TPO: variants seen among roughly 807,000 people sequenced by gnomAD.
TPO encodes thyroid microsomal antigen.
Under a neutral mutation model 96.9 loss-of-function variants are expected in TPO, and 78 were observed. The ratio of observed to expected loss-of-function variants is 0.81; its 90% CI spans 0.67 to 0.97. The LOEUF (loss-of-function observed/expected upper bound fraction) is 0.97, where lower values mean the gene tolerates loss of function less well. TPO is among the 50% of genes least tolerant of loss of function. The pLI is 0.00. For synonymous variants in TPO, 547 were observed against 538.0 expected, an observed-to-expected ratio of 1.02 and a Z score of -0.23; for missense variants, 1,252 against 1,274.8, an observed-to-expected ratio of 0.98 and a Z score of 0.27.
At chr2:1,531,209 A>ACCTCC (rs1678123924) in intron 15 of TPO, among the ~76,000 whole-genome samples, 1 of 113,824 alleles carries the variant, frequency 8.8e-6, no homozygotes, top group Admixed American at 9.6e-5. Context: ...ACTGTCTGCA[A>ACCTCC]CCACCCCAAA....
At chr2:1,393,884 C>G (rs899314100) in intron 1 of TPO, among the ~76,000 whole-genome samples, 1 of 152,162 alleles carries the variant, frequency 6.6e-6, no homozygotes, top group African/African-American at 2.4e-5. Flanking sequence ...TATAAGGACA[C>G]TATCTGAAAA....
At chr2:1,524,948 T>TGTGTGCAATCCGCCCAAGTCCCCCCA (rs1676085407) in intron 15 of TPO, among the ~76,000 whole-genome samples, 1 of 88,858 alleles carries the variant, frequency 1.1e-5, no homozygotes, top group African/African-American at 4.9e-5. Flanking sequence ...AAATCCCGAC[T>TGTGTGCAATCCGCCCAAGTCCCCCCA]CTGTGCAACC....
At chr2:1,436,500 C>A in intron 5 of TPO, 116 bp downstream of exon 5, 1 of 1,520,530 alleles carries the variant, frequency 6.6e-7, no homozygotes, top group East Asian at 2.4e-5. Flanking sequence ...CCCTGAGCCC[C>A]TGGTTCCTGT....
At chr2:1,505,293 C>A (rs966715180) in intron 14 of TPO, among the ~76,000 whole-genome samples, 1 of 150,154 alleles carries the variant, frequency 6.7e-6, no homozygotes, top group Non-Finnish European at 1.5e-5. Context: ...ACCCCACTAT[C>A]CTATATCAGG....
chr2:1,452,547 A>G (rs1667401877), intron 5 of TPO, among the ~76,000 whole-genome samples: 1 of 152,256 alleles, frequency 6.6e-6, no homozygotes, highest in South Asian at 2.1e-4. Flanking sequence ...TGCAGATGGA[A>G]GGTGCCTAGA....
chr2:1,374,983 C>G (rs1024193474), intron 1 of TPO, among the ~76,000 whole-genome samples: 1 of 152,050 alleles, frequency 6.6e-6, no homozygotes, highest in African/African-American at 2.4e-5. Flanking sequence ...CCCACCTTGG[C>G]CTCCCAAAGT....
At chr2:1,443,507 G>A (rs11678127) in intron 5 of TPO, among the ~76,000 whole-genome samples, 9,391 of 129,474 alleles carry the variant, frequency 0.073, 448 homozygotes, top group East Asian at 0.2. Flanking sequence ...TGGGGCCGGG[G>A]CCTTCTTGTT....
At chr2:1,516,381 C>T (rs950291610) in intron 14 of TPO, among the ~76,000 whole-genome samples, 2 of 152,224 alleles carry the variant, frequency 1.3e-5, no homozygotes, top group East Asian at 3.8e-4. Flanking sequence ...GTGCTGTCCA[C>T]CTTCCTTCAA....
In TPO at chr2:1,528,382, C is replaced by T. The variant is rs1235817603; in HGVS notation, c.2618+11400C>T. Among the ~76,000 whole-genome samples, 8 of 140,692 alleles carry T rather than the reference C, an allele frequency of 5.7e-5. 1 individual carries two copies. In the East Asian group the frequency reaches 2.0e-3, roughly 36 times the overall value. The allele number at this position is 140,692 out of a possible 152,430, so 92.3% of individuals were successfully genotyped here. On this transcript the variant is annotated intron_variant, in intron 15 of 16. Coordinates refer to ENST00000329066, the MANE Select transcript of TPO (RefSeq NM_001206744.2). ...CCATTGTGAGCAACCACCCCAAATCCCGCCACTGTGTGCAACCTCCTCAAA... is the reference window on the plus strand; with the variant it reads ...CCATTGTGAGCAACCACCCCAAATCTCGCCACTGTGTGCAACCTCCTCAAA...
chr2:1,528,414 GGTGTGCAACCTGCTCAAATCCCCCCACT>G (rs1677134312), intron 15 of TPO, among the ~76,000 whole-genome samples: 1 of 69,042 alleles, frequency 1.4e-5, no homozygotes, highest in Non-Finnish European at 2.6e-5. Context: ...CAAATCACCC[GGTGTGCAACCTGCTCAAATCCCCCCACT>G]GTGTGCAACC....
At chr2:1,454,166 C>A (rs929880365) in intron 6 of TPO, among the ~76,000 whole-genome samples, 9 of 129,530 alleles carry the variant, frequency 6.9e-5, no homozygotes, top group African/African-American at 1.1e-4. Flanking sequence ...ATGAGTTCAG[C>A]AATCCACTTG....
chr2:1,540,534 T>TACCCTCC lies in TPO; in HGVS notation c.2619-57_2619-51dup. 6 of 1,606,062 alleles carry TACCCTCC rather than the reference T, an allele frequency of 3.7e-6. No homozygotes were observed. The South Asian group carries it at 4.4e-5, about 12-fold the overall frequency. ...TTGCCGTCGCTCGTGCCGTGCTCTC[T>TACCCTCC]ACCCTCCACAGTCACGGTGCCGGAC... On this transcript the variant is annotated intron_variant, in intron 15 of 16. Transcript: ENST00000329066.
At chr2:1,382,843 A>T (rs1428256619) in intron 1 of TPO, among the ~76,000 whole-genome samples, 1 of 151,656 alleles carries the variant, frequency 6.6e-6, no homozygotes, top group Non-Finnish European at 1.5e-5. Context: ...CGTCATTTAC[A>T]TTAGGTATAT....
chr2:1,531,374 TCTGTGCAACCTCCCAAAATTGCC>T (rs1678192891), intron 15 of TPO, among the ~76,000 whole-genome samples: 2 of 55,050 alleles, frequency 3.6e-5, no homozygotes, highest in Non-Finnish European at 6.1e-5. Flanking sequence ...TCCTCCCGAC[TCTGTGCAACCTCCCAAAATTGCC>T]CCCACTGTGT....
chr2:1,532,144 T>C lies in TPO; in HGVS notation c.2619-8450T>C, dbSNP rs1359953653. On this transcript the variant is annotated intron_variant, in intron 15 of 16. Transcript: ENST00000329066. ...CTGTGCGCAACCTCCTCTAATCCCC[T>C]CACTGTGTGCAACCTACACAAATGC... 1.3e-4 allele frequency among the ~76,000 whole-genome samples: 7 copies of C among 55,524 alleles called. No individual in the cohort carries two copies. The Admixed American group carries it at 1.3e-3, about 10-fold the overall frequency. The allele number at this position is 55,524 out of a possible 152,430, so 36.4% of individuals were successfully genotyped here. A position where few individuals can be genotyped will look rare whatever the true frequency, so the allele number is the denominator to read the frequency against.
intron 2 of TPO, among the ~76,000 whole-genome samples, chr2:1,420,264 C>T (rs1005617993): frequency 5.9e-5 from 9 of 152,134 alleles, no homozygotes; most frequent in African/African-American, 1.9e-4. Context: ...TAGTAACTGC[C>T]GTTTCCAAGC....
chr2:1,530,881 T>TC (rs1472791761), intron 15 of TPO, among the ~76,000 whole-genome samples: 5 of 17,990 alleles, frequency 2.8e-4, no homozygotes, highest in Admixed American at 6.8e-4. Flanking sequence ...CCTCCGCAAA[T>TC]CCCCCCACTG....
chr2:1,416,565 TG>T (rs1662981171), intron 2 of TPO, among the ~76,000 whole-genome samples: 1 of 152,246 alleles, frequency 6.6e-6, no homozygotes, highest in South Asian at 2.1e-4. Flanking sequence ...CTTTTCGTTT[TG>T]CTTAAACTTT....
chr2:1,539,802 GT>G (rs1379870600), intron 15 of TPO, among the ~76,000 whole-genome samples: 1 of 150,760 alleles, frequency 6.6e-6, no homozygotes, highest in African/African-American at 2.5e-5. Flanking sequence ...GGTGATGATG[GT>G]GCCATGCAGA....
Sources: gnomAD v4.1 joint callset for allele counts (sites outside exome capture counted in the v4.1 genomes callset) on GRCh38, gnomAD v4.1.1 for gene constraint, MANE v1.5 for transcripts, NCBI Gene and HGNC (gene_info 2026-07-23, HGNC 2026-07-21) for gene names.